The following RAB3C variants were observed in gnomAD, a reference collection of about 807,000 sequenced individuals.
RAB3C encodes RAB3C, member RAS oncogene family.
In RAB3C, 17 loss-of-function variants were observed where a neutral mutation model predicts 26.4. The observed-to-expected ratio is 0.64, with a 90% CI of 0.44 to 0.97. The LOEUF (loss-of-function observed/expected upper bound fraction) is 0.97, where lower values mean the gene tolerates loss of function less well. RAB3C is among the 50% of genes least tolerant of loss of function. RAB3C has a pLI of 0.00. For missense variants in RAB3C, 242 were observed against 281.9 expected (o/e 0.86, Z 1.01); for synonymous variants, 91 against 95.9 (o/e 0.95, Z 0.30).
At chr5:58,764,841 C>T (rs1741865987) in intron 3 of RAB3C, among the ~76,000 whole-genome samples, 1 of 152,164 alleles carries the variant, frequency 6.6e-6, no homozygotes, top group South Asian at 2.1e-4. Context: ...TTTTCATGAA[C>T]TGGTTACATC....
intron 4 of RAB3C, among the ~76,000 whole-genome samples, chr5:58,841,523 C>A (rs1023150749): frequency 6.6e-6 from 1 of 152,106 alleles, no homozygotes; most frequent in Non-Finnish European, 1.5e-5. Flanking sequence ...TGCTATGCTG[C>A]AGAAGCTTGG....
chr5:58,823,003 A>G, intron 3 of RAB3C: 1 of 613,638 alleles, frequency 1.6e-6, no homozygotes, highest in East Asian at 3.9e-5. Context: ...CCTTGAAGGG[A>G]GCTGTTGATA....
At chr5:58,648,986 C>T (rs868409975) in intron 2 of RAB3C, among the ~76,000 whole-genome samples, 1 of 152,078 alleles carries the variant, frequency 6.6e-6, no homozygotes, top group Non-Finnish European at 1.5e-5. Context: ...GCTTAATCAC[C>T]GAGGTTATAA....
chr5:58,596,160 C>T (rs986162280), intron 1 of RAB3C, among the ~76,000 whole-genome samples: 1 of 151,934 alleles, frequency 6.6e-6, no homozygotes, highest in Admixed American at 6.6e-5. Flanking sequence ...CATGAAAATC[C>T]TCATTCCCAG....
chr5:58,784,902 G>A (rs927172254), intron 3 of RAB3C: 1 of 152,140 alleles, frequency 6.6e-6, no homozygotes, highest in Admixed American at 6.5e-5. Context: ...GTCTCCTTAT[G>A]GCTTATCCAT....
chr5:58,623,242 G>C (rs945027874), intron 2 of RAB3C, among the ~76,000 whole-genome samples: 25 of 152,176 alleles, frequency 1.6e-4, no homozygotes, highest in African/African-American at 6.0e-4. Context: ...TAAAGAAAAG[G>C]GCATGAAAGA....
At position 58,855,221 on chromosome 5, in the gene RAB3C, T is replaced by A. The variant is rs1018616887; in HGVS notation, c.*3870T>A. The A allele has an allele frequency of 6.6e-6, 1 of 152,212 alleles. No individual in the cohort carries two copies. Among genetic ancestry groups the A allele is most frequent in the African/African-American group, 2.4e-5 (1 of 41,450 alleles). The allele number at this position is 152,212 out of a possible 1,614,324, so 9.4% of individuals were successfully genotyped here. A position where few individuals can be genotyped will look rare whatever the true frequency, so the allele number is the denominator to read the frequency against. On this transcript the variant is annotated 3_prime_UTR_variant, in exon 5 of 5. Coordinates refer to ENST00000282878, the MANE Select transcript of RAB3C (RefSeq NM_138453.4). ...TCCAAACTACCAAGCTATACCAAGC[T>A]GAGGTAGGTAACACCTGCATGTGAA...
intron 3 of RAB3C, among the ~76,000 whole-genome samples, chr5:58,750,007 TTTC>T (rs1300418478): frequency 1.3e-5 from 2 of 152,210 alleles, no homozygotes; most frequent in African/African-American, 4.8e-5. Context: ...GTGTTAGCCA[TTTC>T]TTTTTTATCT....
At chr5:58,582,923 C>A, upstream of RAB3C, 1 of 653,584 alleles carries the variant, frequency 1.5e-6, no homozygotes, top group Non-Finnish European at 2.3e-6. Context: ...ACTGGCGGAT[C>A]GAGCCTGTTT....
intron 2 of RAB3C, among the ~76,000 whole-genome samples, chr5:58,723,396 A>G (rs928204692): frequency 6.6e-6 from 1 of 151,852 alleles, no homozygotes; most frequent in African/African-American, 2.4e-5. Context: ...GTAGAATATA[A>G]TTGTTGGCTT....
chr5:58,751,498 G>A (rs1741523681), intron 3 of RAB3C, among the ~76,000 whole-genome samples: 1 of 152,192 alleles, frequency 6.6e-6, no homozygotes, highest in Admixed American at 6.5e-5. Flanking sequence ...AGGGTCAAAG[G>A]CTTGGACGGA....
chr5:58,605,185 G>T (rs1262718478), intron 1 of RAB3C, among the ~76,000 whole-genome samples: 1 of 152,100 alleles, frequency 6.6e-6, no homozygotes, highest in Non-Finnish European at 1.5e-5. Flanking sequence ...GGTCCTGCAG[G>T]AGCAGTCTGC....
At chr5:58,811,815 T>C (rs1743097554) in intron 3 of RAB3C, among the ~76,000 whole-genome samples, 1 of 143,858 alleles carries the variant, frequency 7.0e-6, no homozygotes, top group Non-Finnish European at 1.5e-5. Flanking sequence ...GCACCACAGG[T>C]TCCCACTGCC....
chr5:58,776,652 C>T (rs986080913), intron 3 of RAB3C, among the ~76,000 whole-genome samples: 8 of 152,064 alleles, frequency 5.3e-5, no homozygotes, highest in African/African-American at 1.2e-4. Context: ...AGTAGTAACC[C>T]GCGCTGCTTA....
intron 4 of RAB3C, among the ~76,000 whole-genome samples, chr5:58,832,709 C>T (rs1321424056): frequency 6.6e-6 from 1 of 152,142 alleles, no homozygotes; most frequent in African/African-American, 2.4e-5. Context: ...TGAACCATGT[C>T]TTGAAGTATG....
At chr5:58,820,845 G>GAA (rs79171744) in intron 3 of RAB3C, among the ~76,000 whole-genome samples, 9,028 of 152,176 alleles carry the variant, frequency 0.059, 354 homozygotes, top group East Asian at 0.12. Flanking sequence ...GAGGAGCAGG[G>GAA]AATGTTGTAT....
At chr5:58,790,870 C>G (rs745398540) in intron 3 of RAB3C, among the ~76,000 whole-genome samples, 4 of 152,060 alleles carry the variant, frequency 2.6e-5, no homozygotes, top group Admixed American at 6.6e-5. Flanking sequence ...GATCTAGCAT[C>G]AGGCATAAAT....
chr5:58,656,517 T>TA (rs1193157566), intron 2 of RAB3C, among the ~76,000 whole-genome samples: 2 of 152,090 alleles, frequency 1.3e-5, no homozygotes, highest in Admixed American at 1.3e-4. Context: ...AAAAACATTT[T>TA]AAAAAATAAA....
In RAB3C at chr5:58,617,890, C is replaced by G; in HGVS notation, c.252+20C>G. Reference sequence around the variant, plus strand: ...ATTTGGGTAAGTGGCTTTGAACTGGCAGTGTTCTTCAGGCTGGGGTGTTGA... The same window carrying G: ...ATTTGGGTAAGTGGCTTTGAACTGGGAGTGTTCTTCAGGCTGGGGTGTTGA... On this transcript the variant is annotated intron_variant, in intron 2 of 4. Coordinates refer to ENST00000282878, the MANE Select transcript of RAB3C (RefSeq NM_138453.4). 1 of 1,467,548 alleles carries G rather than the reference C, an allele frequency of 6.8e-7. No homozygotes were observed. Among genetic ancestry groups the G allele is most frequent in the South Asian group, 1.2e-5 (1 of 85,720 alleles). The allele number at this position is 1,467,548 out of a possible 1,614,324, so 90.9% of individuals were successfully genotyped here. A position where few individuals can be genotyped will look rare whatever the true frequency, so the allele number is the denominator to read the frequency against.
Sources: allele counts gnomAD v4.1 joint callset (sites outside exome capture counted in the v4.1 genomes callset), GRCh38; gene constraint gnomAD v4.1.1; transcripts MANE v1.5; gene names NCBI Gene and HGNC (gene_info 2026-07-23, HGNC 2026-07-21).